Variants in PROCR observed in about 807,000 individuals in gnomAD.
PROCR encodes endothelial protein C receptor.
PROCR carries 22 observed loss-of-function variants against 24.2 expected under a neutral mutation model. The ratio of observed to expected loss-of-function variants is 0.91; its 90% CI spans 0.65 to 1.30. The LOEUF (loss-of-function observed/expected upper bound fraction) is 1.30, where lower values mean the gene tolerates loss of function less well. PROCR is among the 50% of genes most tolerant of loss of function. The pLI is 0.00. For missense variants in PROCR, 288 were observed against 307.7 expected (o/e 0.94, Z 0.48); for synonymous variants, 137 against 139.2 (o/e 0.98, Z 0.11).
downstream of PROCR, among the ~76,000 whole-genome samples, chr20:35,181,726 T>C (rs766873947): frequency 6.6e-6 from 1 of 152,256 alleles, no homozygotes; most frequent in African/African-American, 2.4e-5. Context: ...GAACGCCTCC[T>C]GCTTTCTCAT....
At position 35,176,351 on chromosome 20, in the gene PROCR, A is replaced by G. The variant is rs1158819508; in HGVS notation, c.506A>G (p.Asn169Ser). 1.4e-5 allele frequency: 23 copies of G among 1,614,230 alleles called. No individual in the cohort carries two copies. Among genetic ancestry groups the G allele is most frequent in the Middle Eastern group, 1.7e-4 (1 of 6,060 alleles). Residue 169 changes from asparagine to serine, a missense_variant, in exon 3 of 4, where the codon AAT (asparagine) becomes AGT (serine). Coordinates refer to ENST00000216968, the MANE Select transcript of PROCR (RefSeq NM_006404.5). Reference protein sequence around the residue: ...GVVTFTLQQLNAYNRTRYELR... With the variant: ...GVVTFTLQQLSAYNRTRYELR... ...GTCACCTTCACCCTGCAGCAGCTCA[A>G]TGCCTACAACCGCACTCGGTATGAA...
Position 35,176,211 on chromosome 20 carries a change from C to G in PROCR, c.366C>G (p.Pro122=), listed in dbSNP as rs746320124. The G allele has an allele frequency of 1.2e-5, 20 of 1,613,450 alleles. No homozygotes were observed. The highest frequency in any genetic ancestry group is 1.6e-4 in the Middle Eastern group (1 of 6,066). ...GCTTCCTGGGCTGTGAGCTGCCTCC[C>G]GAGGGCTCTAGAGCCCATGTCTTCT... ...IRCFLGCELP[P]EGSRAHVFFE... The change falls in exon 3 of 4, where the codon CCC becomes CCG. Residue 122 remains proline, a synonymous_variant. Transcript: ENST00000216968.
chr20:35,186,056 G>T (rs925191133), intron 1 of PROCR, among the ~76,000 whole-genome samples: 1 of 152,110 alleles, frequency 6.6e-6, no homozygotes, highest in Non-Finnish European at 1.5e-5. Flanking sequence ...CAGCAAGTCC[G>T]CTCCTAGTAT....
chr20:35,211,179 T>C (rs1173410117), intron 1 of PROCR, among the ~76,000 whole-genome samples: 1 of 152,194 alleles, frequency 6.6e-6, no homozygotes, highest in African/African-American at 2.4e-5. Flanking sequence ...TTCATTTACT[T>C]TACGGCTATT....
Position 35,172,702 on chromosome 20 carries a change from G to A in PROCR, c.70+478G>A, listed in dbSNP as rs556799396. 7.9e-5 allele frequency among the ~76,000 whole-genome samples: 12 copies of A among 152,258 alleles called. No homozygotes were observed. The East Asian group carries it at 1.9e-3, about 24-fold the overall frequency. On this transcript the variant is annotated intron_variant, in intron 1 of 3. Transcript: ENST00000216968. ...TAGGGAAAATGGAAGGAGACTGGTC[G>A]CAGCTGGTGGAACTGGGGAGAAAGA...
downstream of PROCR, among the ~76,000 whole-genome samples, chr20:35,178,397 CT>C (rs146530945): frequency 1.6e-4 from 7 of 43,436 alleles, no homozygotes; most frequent in East Asian, 1.7e-3. Flanking sequence ...GAGTGAGATT[CT>C]TTTTTTTTTT....
chr20:35,195,955 C>A (rs1162295943), intron 1 of PROCR, among the ~76,000 whole-genome samples: 1 of 151,124 alleles, frequency 6.6e-6, no homozygotes, highest in African/African-American at 2.4e-5. Flanking sequence ...CAGAGGTGAG[C>A]AGACTGCCTG....
chr20:35,175,553 T>C (rs1479365948), intron 2 of PROCR, among the ~76,000 whole-genome samples: 5 of 116,204 alleles, frequency 4.3e-5, no homozygotes, highest in Admixed American at 1.8e-4. Flanking sequence ...AACTCCTTTC[T>C]CTCCTAGTCC....
intron 1 of PROCR, among the ~76,000 whole-genome samples, chr20:35,183,229 C>G (rs998274138): frequency 6.6e-6 from 1 of 152,104 alleles, no homozygotes; most frequent in Non-Finnish European, 1.5e-5. Context: ...CATGTTGGAA[C>G]GTGACCTCCA....
At chr20:35,185,746 G>A (rs926378296) in intron 1 of PROCR, among the ~76,000 whole-genome samples, 1 of 152,132 alleles carries the variant, frequency 6.6e-6, no homozygotes, top group Non-Finnish European at 1.5e-5. Context: ...AAGAGTGGGA[G>A]GGGGGTGAGG....
At chr20:35,199,046 T>A (rs2060309396) in intron 1 of PROCR, among the ~76,000 whole-genome samples, 1 of 152,184 alleles carries the variant, frequency 6.6e-6, no homozygotes, top group Non-Finnish European at 1.5e-5. Context: ...TAAAGATAAC[T>A]CATTGCCTGG....
At chr20:35,172,052 G>A, upstream of PROCR, 1 of 1,045,074 alleles carries the variant, frequency 9.6e-7, no homozygotes, top group East Asian at 2.4e-5. Context: ...CCCAGACTCC[G>A]CCCCTCCCAG....
chr20:35,204,573 A>G (rs1348170928), intron 1 of PROCR, among the ~76,000 whole-genome samples: 1 of 151,706 alleles, frequency 6.6e-6, no homozygotes, highest in African/African-American at 2.4e-5. Flanking sequence ...ATGGGTTTTC[A>G]TCATGTTGCC....
chr20:35,184,951 G>C (rs1391416195), intron 1 of PROCR, among the ~76,000 whole-genome samples: 1 of 149,358 alleles, frequency 6.7e-6, no homozygotes, highest in African/African-American at 2.5e-5. Context: ...CACAGAGTGG[G>C]AGAAAATCTT....
chr20:35,183,265 G>C (rs1391161105), intron 1 of PROCR, among the ~76,000 whole-genome samples: 1 of 152,144 alleles, frequency 6.6e-6, no homozygotes, highest in Admixed American at 6.5e-5. Context: ...ATAATGGGAG[G>C]TGTTTGGGTC....
downstream of PROCR, among the ~76,000 whole-genome samples, chr20:35,177,951 C>T (rs1165380082): frequency 1.3e-5 from 2 of 152,084 alleles, no homozygotes; most frequent in East Asian, 1.9e-4. Context: ...TTACACGATT[C>T]ACCCTGGAAA....
At chr20:35,177,422 C>T, downstream of PROCR, 1 of 856,234 alleles carries the variant, frequency 1.2e-6, no homozygotes, top group Non-Finnish European at 1.4e-6. Context: ...ATTTCTTCTG[C>T]TTCCTTATTT....
intron 1 of PROCR, among the ~76,000 whole-genome samples, chr20:35,183,283 C>G (rs1475666639): frequency 1.3e-5 from 2 of 152,110 alleles, no homozygotes; most frequent in African/African-American, 4.8e-5. Context: ...GTCATGGGGG[C>G]AGATCCCTCA....
intron 1 of PROCR, among the ~76,000 whole-genome samples, chr20:35,199,719 G>A (rs1463439565): frequency 6.7e-6 from 1 of 149,718 alleles, no homozygotes; most frequent in East Asian, 1.9e-4. Flanking sequence ...CTGCACTCCA[G>A]CCTGGGCAAC....
Sources: allele counts gnomAD v4.1 joint callset (sites outside exome capture counted in the v4.1 genomes callset), GRCh38; gene constraint gnomAD v4.1.1; transcripts MANE v1.5; gene names NCBI Gene and HGNC (gene_info 2026-07-23, HGNC 2026-07-21).